Variants in ANKS1B observed in about 807,000 individuals in gnomAD.
ANKS1B encodes the protein ankyrin repeat and sterile alpha motif domain-containing protein 1B.
ANKS1B carries 36 observed loss-of-function variants against 148.3 expected under a neutral mutation model. That is an observed-to-expected ratio of 0.24 (90% confidence interval 0.19 to 0.32). The LOEUF (loss-of-function observed/expected upper bound fraction) is 0.32. Among genes scored for constraint, ANKS1B ranks in the 10% least tolerant of loss-of-function variants. The pLI is 1.00. For synonymous variants in ANKS1B, 542 were observed against 560.8 expected, an observed-to-expected ratio of 0.97 and a Z score of 0.47; for missense variants, 1,157 against 1,542.6, an observed-to-expected ratio of 0.75 and a Z score of 4.19.
chr12:98,808,834 T>C (rs980745784), intron 19 of ANKS1B, among the ~76,000 whole-genome samples: 23 of 152,208 alleles, frequency 1.5e-4, no homozygotes, highest in African/African-American at 5.3e-4. Flanking sequence ...GCAGAGCATG[T>C]AAACTTATTC....
chr12:99,526,370 T>C (rs1476499451), intron 9 of ANKS1B, among the ~76,000 whole-genome samples: 1 of 152,218 alleles, frequency 6.6e-6, no homozygotes, highest in East Asian at 1.9e-4. Context: ...TAAACTACCA[T>C]TACTATTTCT....
At chr12:99,441,448 T>C (rs1367935611) in intron 11 of ANKS1B, among the ~76,000 whole-genome samples, 3 of 152,048 alleles carry the variant, frequency 2.0e-5, no homozygotes, top group Middle Eastern at 6.8e-3. Context: ...CTTTCTACAA[T>C]GAATGAGGAG....
chr12:99,612,124 A>G (rs1352863622), intron 9 of ANKS1B, among the ~76,000 whole-genome samples: 1 of 152,100 alleles, frequency 6.6e-6, no homozygotes, highest in Non-Finnish European at 1.5e-5. Context: ...GTACCACAGC[A>G]ACCTTTCTTA....
chr12:98,867,321 G>A (rs897285703), intron 17 of ANKS1B, among the ~76,000 whole-genome samples: 1 of 152,130 alleles, frequency 6.6e-6, no homozygotes, highest in Non-Finnish European at 1.5e-5. Flanking sequence ...ACAGTGCGAG[G>A]CCATCTTCAA....
chr12:98,882,284 G>A (rs1033043012), intron 17 of ANKS1B, among the ~76,000 whole-genome samples: 12 of 152,194 alleles, frequency 7.9e-5, no homozygotes, highest in African/African-American at 2.6e-4. Flanking sequence ...AACAATCACC[G>A]TATTAGAAAC....
chr12:98,813,155 G>T (rs1425139807), intron 19 of ANKS1B, among the ~76,000 whole-genome samples: 1 of 151,872 alleles, frequency 6.6e-6, no homozygotes, highest in African/African-American at 2.4e-5. Context: ...TATAATACCA[G>T]TCATAAAATT....
chr12:99,915,225 C>CAAAAAA (rs34176071), intron 1 of ANKS1B, among the ~76,000 whole-genome samples: 2 of 101,652 alleles, frequency 2.0e-5, no homozygotes, highest in South Asian at 4.2e-4. Flanking sequence ...AAAGCTGTCT[C>CAAAAAA]AAAAAAAAAA....
At chr12:98,870,625 A>G (rs537501957) in intron 17 of ANKS1B, among the ~76,000 whole-genome samples, 8 of 152,340 alleles carry the variant, frequency 5.3e-5, no homozygotes, top group African/African-American at 1.4e-4. Context: ...ATCCTCCCCA[A>G]TTAACTGGTA....
intron 15 of ANKS1B, among the ~76,000 whole-genome samples, chr12:99,120,453 T>A (rs1167585927): frequency 6.6e-6 from 1 of 152,212 alleles, no homozygotes; most frequent in African/African-American, 2.4e-5. Context: ...ATTAAAAACA[T>A]CTGTGAATAT....
At chr12:98,868,532 C>T (rs924646807) in intron 17 of ANKS1B, among the ~76,000 whole-genome samples, 2 of 152,156 alleles carry the variant, frequency 1.3e-5, no homozygotes, top group African/African-American at 4.8e-5. Context: ...AGGTGTTTCC[C>T]AAGTTATCTC....
chr12:99,558,210 G>A (rs976693917), intron 9 of ANKS1B, among the ~76,000 whole-genome samples: 5 of 152,102 alleles, frequency 3.3e-5, no homozygotes, highest in African/African-American at 1.2e-4. Context: ...TCGTATGCAT[G>A]CTCACATTGG....
At chr12:99,288,671 G>T (rs935996071) in intron 12 of ANKS1B, among the ~76,000 whole-genome samples, 2 of 152,042 alleles carry the variant, frequency 1.3e-5, no homozygotes, top group Non-Finnish European at 2.9e-5. Context: ...TGTTTTTGCA[G>T]TCAGGGTTAA....
chr12:99,788,629 T>C (rs754267543), intron 4 of ANKS1B, among the ~76,000 whole-genome samples: 58 of 152,148 alleles, frequency 3.8e-4, no homozygotes, highest in Non-Finnish European at 7.9e-4. Context: ...AGGTACCACT[T>C]CGGCCACAGT....
intron 10 of ANKS1B, among the ~76,000 whole-genome samples, chr12:99,491,615 T>C (rs2096556015): frequency 6.6e-6 from 1 of 152,016 alleles, no homozygotes; most frequent in Non-Finnish European, 1.5e-5. Context: ...CAATTTTAAG[T>C]GAGAACTTCT....
chr12:99,806,317 G>T, intron 4 of ANKS1B, 87 bp downstream of exon 4: 2 of 1,494,710 alleles, frequency 1.3e-6, no homozygotes, highest in Admixed American at 1.9e-5. Flanking sequence ...TTGATTAAAA[G>T]ATTTCTACAT....
intron 17 of ANKS1B, among the ~76,000 whole-genome samples, chr12:98,843,000 C>T (rs865974822): frequency 5.9e-5 from 9 of 152,206 alleles, no homozygotes; most frequent in Middle Eastern, 6.8e-3. Context: ...TGGATGTTTG[C>T]GGAGTGATCA....
At chr12:99,873,555 C>A (rs921506940) in intron 1 of ANKS1B, among the ~76,000 whole-genome samples, 2 of 152,092 alleles carry the variant, frequency 1.3e-5, no homozygotes, top group African/African-American at 4.8e-5. Context: ...TAAAGATAGC[C>A]GTTATTTTAT....
intron 16 of ANKS1B, among the ~76,000 whole-genome samples, chr12:99,084,087 G>A (rs1245270430): frequency 6.6e-6 from 1 of 152,158 alleles, no homozygotes; most frequent in African/African-American, 2.4e-5. Context: ...ATTGCATCTG[G>A]ACTAGGAGGG....
chr12:99,371,331 T>C (rs888406882), intron 12 of ANKS1B, among the ~76,000 whole-genome samples: 2 of 152,140 alleles, frequency 1.3e-5, no homozygotes, highest in Non-Finnish European at 2.9e-5. Flanking sequence ...CAGGAAGCCC[T>C]AAACTCTTGG....
Sources: allele counts gnomAD v4.1 joint callset (sites outside exome capture counted in the v4.1 genomes callset), GRCh38; gene constraint gnomAD v4.1.1; transcripts MANE v1.5; gene names NCBI Gene and HGNC (gene_info 2026-07-23, HGNC 2026-07-21).